Variants in NCR3LG1 observed in about 807,000 individuals in gnomAD.
NCR3LG1 encodes natural cytotoxicity triggering receptor 3 ligand 1.
A neutral mutation model predicts 34.8 loss-of-function variants in NCR3LG1; 35 were observed. That is an observed-to-expected ratio of 1.01 (90% CI 0.77 to 1.33). NCR3LG1 has a LOEUF of 1.33. NCR3LG1 is among the 40% of genes most tolerant of loss of function. NCR3LG1 has a pLI of 0.00. For missense variants in NCR3LG1, 452 were observed against 423.3 expected (o/e 1.07, Z -0.60); for synonymous variants, 173 against 163.6 (o/e 1.06, Z -0.44).
Position 17,368,673 on chromosome 11 carries a change from G to C in NCR3LG1, c.761-194G>C, listed in dbSNP as rs146711675. On this transcript the variant is annotated intron_variant, in intron 3 of 4. Coordinates refer to ENST00000338965, the MANE Select transcript of NCR3LG1 (RefSeq NM_001202439.3). ...TGTTCATCTTCCATATTTTTGGCAA[G>C]TGCTACATACACTGTTTGATGTATG... 5.1e-4 allele frequency among the ~76,000 whole-genome samples: 77 copies of C among 152,306 alleles called. 1 individual carries two copies. The highest frequency in any genetic ancestry group is 1.7e-3 in the African/African-American group (71 of 41,566).
intron 2 of NCR3LG1, among the ~76,000 whole-genome samples, chr11:17,365,493 T>G (rs748431076): frequency 2.0e-4 from 31 of 152,336 alleles, no homozygotes; most frequent in Non-Finnish European, 3.1e-4. Context: ...TTTCTTAGCC[T>G]TTTCTCTTTC....
In NCR3LG1 at chr11:17,356,838, A is replaced by G. The variant is rs776305401; in HGVS notation, c.258A>G (p.Gln86=). The G allele has an allele frequency of 4.4e-5, 68 of 1,536,072 alleles. No homozygotes were observed. The highest frequency in any genetic ancestry group is 5.8e-5 in the Non-Finnish European group (66 of 1,146,940). ...TCTTTGAATTTTTTGGAGATCACCA[A>G]GAGGCATTCCGACCTGGAGCCATTG... The part of the protein sequence containing the change: ...VKVFEFFGDH[Q]EAFRPGAIVS... Residue 86 remains glutamine, a synonymous_variant, in exon 2 of 5, where the codon CAA becomes CAG. Coordinates refer to ENST00000338965, the MANE Select transcript of NCR3LG1 (RefSeq NM_001202439.3).
chr11:17,351,989 C>T lies in NCR3LG1; in HGVS notation c.20C>T (p.Ala7Val). 6.5e-7 allele frequency: 1 copy of T among 1,526,862 alleles called. No individual in the cohort carries two copies. The highest frequency in any genetic ancestry group is 8.8e-7 in the Non-Finnish European group (1 of 1,142,572). The allele number at this position is 1,526,862 out of a possible 1,614,324, so 94.6% of individuals were successfully genotyped here. Residue 7 changes from alanine (A) to valine (V), a missense_variant, in exon 1 of 5, where the codon GCC (alanine) becomes GTC (valine). Physicochemically the swap from Ala to Val is moderately conservative, Grantham distance 64. Transcript: ENST00000338965. The part of the protein sequence containing the change: MTWRAA[A>V]STCAALLILL... The stretch of plus-strand genomic sequence containing the variant: ...GCGGCGATGACGTGGAGGGCTGCCG[C>T]CTCCACGTGCGCGGCGCTCCTGATT...
At chr11:17,362,741 TTTC>T (rs567287349) in intron 2 of NCR3LG1, among the ~76,000 whole-genome samples, 1 of 99,734 alleles carries the variant, frequency 1.0e-5, no homozygotes, top group African/African-American at 5.7e-5. Context: ...TCTTTCTTTC[TTTC>T]TTTCTTTCTT....
At chr11:17,363,092 A>ATTTT (rs71457873) in intron 2 of NCR3LG1, among the ~76,000 whole-genome samples, 6 of 135,770 alleles carry the variant, frequency 4.4e-5, no homozygotes, top group Non-Finnish European at 7.8e-5. Flanking sequence ...TGCTAATTTA[A>ATTTT]TTTTTTTTTT....
In NCR3LG1 at chr11:17,372,691, T is replaced by C. The variant is rs996455827; in HGVS notation, c.*179T>C. The C allele has an allele frequency of 9.1e-6, 5 of 548,570 alleles. No individual in the cohort carries two copies. Among genetic ancestry groups the C allele is most frequent in the Non-Finnish European group, 1.6e-5 (5 of 311,016 alleles). 34.0% of individuals were successfully genotyped at this position (548,570 alleles called of 1,614,324 possible). A position where few individuals can be genotyped will look rare whatever the true frequency, so the allele number is the denominator to read the frequency against. On this transcript the variant is annotated 3_prime_UTR_variant, in exon 5 of 5. Coordinates refer to ENST00000338965, the MANE Select transcript of NCR3LG1 (RefSeq NM_001202439.3). ...GTGATGTTATGTTGCTCTTAAACTC[T>C]TAACTACTACAGAGAAACAGGTAGC...
chr11:17,370,491 A>G (rs1326016565), intron 4 of NCR3LG1, among the ~76,000 whole-genome samples: 3 of 152,198 alleles, frequency 2.0e-5, no homozygotes, highest in Non-Finnish European at 2.9e-5. Context: ...TGAACAAAAC[A>G]CTGGGCCAGT....
At chr11:17,360,444 T>G (rs1386171567) in intron 2 of NCR3LG1, among the ~76,000 whole-genome samples, 2 of 152,208 alleles carry the variant, frequency 1.3e-5, no homozygotes, top group East Asian at 3.8e-4. Context: ...CTTAACATTG[T>G]GTCCTAAAGC....
chr11:17,358,462 C>T (rs7395803), intron 2 of NCR3LG1, among the ~76,000 whole-genome samples: 32,738 of 151,976 alleles, frequency 0.22, 3,862 homozygotes, highest in African/African-American at 0.28. Flanking sequence ...GGAGGAACAT[C>T]GCAGAGGTAA....
chr11:17,365,614 A>G (rs1265145492), intron 2 of NCR3LG1, among the ~76,000 whole-genome samples: 1 of 152,168 alleles, frequency 6.6e-6, no homozygotes, highest in Non-Finnish European at 1.5e-5. Context: ...GGAATAATCT[A>G]GGTATATTTT....
At position 17,352,002 on chromosome 11, in the gene NCR3LG1, G is replaced by A. The variant is rs1427099807; in HGVS notation, c.33G>A (p.Ala11=). The part of the protein sequence containing the change: MTWRAAASTC[A]ALLILLWALT... ...GGAGGGCTGCCGCCTCCACGTGCGC[G>A]GCGCTCCTGATTCTGCTGTGGGCGC... is the stretch of plus-strand genomic sequence containing the variant. The change falls in exon 1 of 5, where the codon GCG becomes GCA. Residue 11 remains alanine (A), a synonymous_variant. Transcript: ENST00000338965. 39 of 1,525,748 alleles carry A rather than the reference G, an allele frequency of 2.6e-5. No individual in the cohort carries two copies. In the East Asian group the frequency reaches 6.4e-4, roughly 25 times the overall value. The allele number at this position is 1,525,748 out of a possible 1,614,324, so 94.5% of individuals were successfully genotyped here.
At chr11:17,367,997 TA>T (rs1454314661) in intron 3 of NCR3LG1, among the ~76,000 whole-genome samples, 1 of 152,022 alleles carries the variant, frequency 6.6e-6, no homozygotes, top group Non-Finnish European at 1.5e-5. Context: ...TTTGTATTTT[TA>T]GTAAAGATGG....
chr11:17,370,931 C>G (rs1308537941), intron 4 of NCR3LG1, among the ~76,000 whole-genome samples: 1 of 152,110 alleles, frequency 6.6e-6, no homozygotes, highest in African/African-American at 2.4e-5. Context: ...GAATGTAACT[C>G]AAATAATTGT....
Position 17,368,864 on chromosome 11 carries a change from C to G in NCR3LG1, c.761-3C>G. ...TGCTAATGTTTTCCTTCTCTCTCTGCAGAAACTGAGAAGACAGATAATTTT... is the reference window on the plus strand; with the variant it reads ...TGCTAATGTTTTCCTTCTCTCTCTGGAGAAACTGAGAAGACAGATAATTTT... On this transcript the variant is annotated splice_region_variant and splice_polypyrimidine_tract_variant and intron_variant, in intron 3 of 4. Transcript: ENST00000338965. The G allele has an allele frequency of 3.9e-6, 6 of 1,524,198 alleles. No individual in the cohort carries two copies. The highest frequency in any genetic ancestry group is 5.3e-6 in the Non-Finnish European group (6 of 1,136,056). The allele number at this position is 1,524,198 out of a possible 1,614,324, so 94.4% of individuals were successfully genotyped here.
chr11:17,371,734 A>G (rs1025848798), intron 4 of NCR3LG1, among the ~76,000 whole-genome samples: 5 of 152,282 alleles, frequency 3.3e-5, no homozygotes, highest in South Asian at 2.1e-4. Context: ...GTTCTAGGGA[A>G]TCTCAGGAGC....
chr11:17,355,420 C>CAAA (rs35195188), intron 1 of NCR3LG1, among the ~76,000 whole-genome samples: 2 of 144,374 alleles, frequency 1.4e-5, no homozygotes, highest in African/African-American at 5.0e-5. Flanking sequence ...AGGAAAACAT[C>CAAA]AAAAAAAAAA....
downstream of NCR3LG1, among the ~76,000 whole-genome samples, chr11:17,378,817 G>A (rs1349683988): frequency 6.6e-6 from 1 of 152,166 alleles, no homozygotes; most frequent in Non-Finnish European, 1.5e-5. Flanking sequence ...GTACAGGGAG[G>A]CTTGCCTTAG....
At chr11:17,357,140 T>TA (rs1953219524) in intron 2 of NCR3LG1, 139 bp downstream of exon 2, 1 of 635,918 alleles carries the variant, frequency 1.6e-6, no homozygotes, top group Non-Finnish European at 2.7e-6. Context: ...GTGGCTGTAT[T>TA]AGTTTGCTAA....
downstream of NCR3LG1, among the ~76,000 whole-genome samples, chr11:17,378,084 A>T (rs568621073): frequency 1.4e-4 from 22 of 152,296 alleles, no homozygotes; most frequent in African/African-American, 5.3e-4. Flanking sequence ...TTATGATGCC[A>T]CAAGGGTAGA....
Sources: allele counts gnomAD v4.1 joint callset (sites outside exome capture counted in the v4.1 genomes callset), GRCh38; gene constraint gnomAD v4.1.1; transcripts MANE v1.5; gene names NCBI Gene and HGNC (gene_info 2026-07-23, HGNC 2026-07-21).